GREB1L: variants seen among roughly 807,000 people sequenced by gnomAD.
GREB1L encodes GREB1 like retinoic acid receptor coactivator, also known as GREB1-like protein.
GREB1L carries 17 observed loss-of-function variants against 200.8 expected under a neutral mutation model. That is an observed-to-expected ratio of 0.08 (90% CI 0.06 to 0.13). The LOEUF (loss-of-function observed/expected upper bound fraction) is 0.13, where lower values mean the gene tolerates loss of function less well. Ranked by LOEUF, GREB1L falls within the 10% of genes least tolerant of loss-of-function variation. The pLI is 1.00. For missense variants in GREB1L, 1,657 were observed against 2,367.7 expected (o/e 0.70, Z 6.23); for synonymous variants, 789 against 893.0 (o/e 0.88, Z 2.08).
chr18:21,351,016 C>T (rs1370945985), intron 1 of GREB1L, among the ~76,000 whole-genome samples: 2 of 151,976 alleles, frequency 1.3e-5, no homozygotes, highest in Non-Finnish European at 2.9e-5. Context: ...CTGCCCCTTT[C>T]GTAATAGCAA....
intron 1 of GREB1L, among the ~76,000 whole-genome samples, chr18:21,333,026 A>G (rs1206784881): frequency 6.6e-6 from 1 of 152,078 alleles, no homozygotes; most frequent in Non-Finnish European, 1.5e-5. Flanking sequence ...GGCTGACTGC[A>G]GTGAGCCATG....
rs1389117841 is a variant in GREB1L at position 21,505,649 on chromosome 18, C to T, written c.4228+82C>T. 39 of 1,448,826 alleles carry T rather than the reference C, an allele frequency of 2.7e-5. 1 individual carries two copies. The South Asian group carries it at 2.8e-4, about 10-fold the overall frequency. The allele number at this position is 1,448,826 out of a possible 1,614,324, so 89.7% of individuals were successfully genotyped here. A position where few individuals can be genotyped will look rare whatever the true frequency, so the allele number is the denominator to read the frequency against. ...GGTGCCTTACATCTCACTTTTCTTT[C>T]GCTCTTATGCGCATCATTTTTTAAA... On this transcript the variant is annotated intron_variant, in intron 24 of 32. Coordinates refer to ENST00000424526, the MANE Select transcript of GREB1L (RefSeq NM_001142966.3).
intron 31 of GREB1L, 83 bp from the exon 32 acceptor site, chr18:21,520,605 G>T: frequency 7.2e-7 from 1 of 1,397,488 alleles, no homozygotes. Flanking sequence ...AGAGAAAAAG[G>T]AAGGTACTGA....
At chr18:21,496,736 A>G (rs1323337189) in intron 21 of GREB1L, 38 bp downstream of exon 21, 3 of 1,544,094 alleles carry the variant, frequency 1.9e-6, no homozygotes, top group Admixed American at 2.0e-5. Context: ...AGTGAGAGAC[A>G]TGAGTCAGGA....
intron 7 of GREB1L, among the ~76,000 whole-genome samples, chr18:21,414,718 C>T (rs1364212434): frequency 1.3e-5 from 2 of 151,986 alleles, no homozygotes; most frequent in African/African-American, 2.4e-5. Flanking sequence ...AGAGCAGAAT[C>T]GGGGTAGTAG....
intron 1 of GREB1L, among the ~76,000 whole-genome samples, chr18:21,312,002 C>T (rs1238093869): frequency 1.3e-5 from 2 of 152,064 alleles, no homozygotes; most frequent in African/African-American, 2.4e-5. Flanking sequence ...CGCAAGTAGG[C>T]CCCAGTGTCT....
intron 16 of GREB1L, among the ~76,000 whole-genome samples, chr18:21,474,348 C>T (rs1889113545): frequency 6.6e-6 from 1 of 152,142 alleles, no homozygotes; most frequent in Non-Finnish European, 1.5e-5. Flanking sequence ...GAGAAATTGG[C>T]TAAAACAAAG....
At chr18:21,395,359 G>A (rs1329727600) in intron 4 of GREB1L, 26 bp from the exon 5 acceptor site, 2 of 1,515,202 alleles carry the variant, frequency 1.3e-6, no homozygotes, top group East Asian at 4.9e-5. Context: ...ATTTCACTGT[G>A]TCCTTTTTTT....
intron 1 of GREB1L, among the ~76,000 whole-genome samples, chr18:21,303,355 G>A (rs910916286): frequency 4.6e-5 from 7 of 152,016 alleles, no homozygotes; most frequent in Non-Finnish European, 4.4e-5. Flanking sequence ...AAAAATAGGG[G>A]GAGAAAAGTT....
At chr18:21,242,459 C>G (rs1234542340) in intron 1 of GREB1L, 66 bp downstream of exon 1, 1 of 152,302 alleles carries the variant, frequency 6.6e-6, no homozygotes, top group South Asian at 2.1e-4. Context: ...GGCGCGGGAG[C>G]TCGCCTGTGA....
intron 1 of GREB1L, among the ~76,000 whole-genome samples, chr18:21,289,945 C>G (rs2038420682): frequency 6.6e-6 from 1 of 152,120 alleles, no homozygotes; most frequent in Non-Finnish European, 1.5e-5. Context: ...AGGGTGCTGT[C>G]AGAGCTACTT....
At chr18:21,252,027 AATTTTAAAGT>A (rs2037714806) in intron 1 of GREB1L, among the ~76,000 whole-genome samples, 2 of 152,148 alleles carry the variant, frequency 1.3e-5, no homozygotes, top group Non-Finnish European at 2.9e-5. Context: ...TATGAAACAT[AATTTTAAAGT>A]ATTTTGCAAA....
At chr18:21,404,582 C>A (rs2029950845) in intron 7 of GREB1L, among the ~76,000 whole-genome samples, 1 of 152,196 alleles carries the variant, frequency 6.6e-6, no homozygotes, top group Non-Finnish European at 1.5e-5. Context: ...AGCAGATAAG[C>A]TACCAGTCTG....
intron 1 of GREB1L, among the ~76,000 whole-genome samples, chr18:21,331,247 CAG>C (rs1598664645): frequency 6.6e-6 from 1 of 152,170 alleles, no homozygotes; most frequent in African/African-American, 2.4e-5. Context: ...ATCAATCATG[CAG>C]AGATTTCCCT....
intron 7 of GREB1L, among the ~76,000 whole-genome samples, chr18:21,405,537 A>G (rs1474993265): frequency 6.6e-6 from 1 of 152,238 alleles, no homozygotes; most frequent in Non-Finnish European, 1.5e-5. Flanking sequence ...GCAGTGGTTC[A>G]TGCCTGTAAT....
chr18:21,512,100 T>C (rs891685219), intron 27 of GREB1L, among the ~76,000 whole-genome samples: 1 of 152,332 alleles, frequency 6.6e-6, no homozygotes. Flanking sequence ...TATAGCTTTG[T>C]AGTAAGTTCT....
chr18:21,267,804 CTTT>C (rs769798986), intron 1 of GREB1L, among the ~76,000 whole-genome samples: 3 of 133,834 alleles, frequency 2.2e-5, no homozygotes, highest in Admixed American at 1.5e-4. Context: ...CCACCCCAAG[CTTT>C]TTTTTTTTTT....
chr18:21,371,255 C>A (rs2143745347), intron 2 of GREB1L, among the ~76,000 whole-genome samples: 1 of 152,092 alleles, frequency 6.6e-6, no homozygotes, highest in South Asian at 2.1e-4. Context: ...CAGTGCTGTT[C>A]TTGGTGTCAA....
chr18:21,507,996 C>G (rs2037084746), intron 25 of GREB1L, 122 bp from the exon 26 acceptor site: 5 of 900,874 alleles, frequency 5.6e-6, no homozygotes, highest in South Asian at 5.0e-5. Flanking sequence ...ACAGCCTGCT[C>G]TGGTGGCACT....
Sources: allele counts gnomAD v4.1 joint callset (sites outside exome capture counted in the v4.1 genomes callset), GRCh38; gene constraint gnomAD v4.1.1; transcripts MANE v1.5; gene names NCBI Gene and HGNC (gene_info 2026-07-23, HGNC 2026-07-21).